Variants in PTPRM observed in about 807,000 individuals in gnomAD.
PTPRM encodes the protein receptor-type tyrosine-protein phosphatase mu.
PTPRM carries 47 observed loss-of-function variants against 186.7 expected under a neutral mutation model. That is an observed-to-expected ratio of 0.25 (90% CI 0.20 to 0.32). The LOEUF (loss-of-function observed/expected upper bound fraction) is 0.32, where lower values mean the gene tolerates loss of function less well. Ranked by LOEUF, PTPRM falls within the 10% of genes least tolerant of loss-of-function variation. PTPRM has a pLI of 1.00. For synonymous variants in PTPRM, 668 were observed against 674.9 expected (o/e 0.99, Z 0.16); for missense variants, 1,494 against 1,865.0 (o/e 0.80, Z 3.66).
chr18:8,043,359 G>C (rs566288435), intron 7 of PTPRM, among the ~76,000 whole-genome samples: 5 of 152,120 alleles, frequency 3.3e-5, no homozygotes, highest in African/African-American at 1.2e-4. Context: ...CGCAGTTTTA[G>C]TCTGCTGCCC....
rs2093478487 is a variant in PTPRM at position 8,176,191 on chromosome 18, G to A, written c.2300+32412G>A. 1.4e-5 allele frequency among the ~76,000 whole-genome samples: 2 copies of A among 145,542 alleles called. 1 individual carries two copies. The highest frequency in any genetic ancestry group is 4.4e-4 in the South Asian group (2 of 4,580). On this transcript the variant is annotated intron_variant, in intron 14 of 32. Coordinates refer to ENST00000580170, the MANE Select transcript of PTPRM (RefSeq NM_001105244.2). ...TGGAGCGATTAATGAATTGCTTGTT[G>A]TATGGCAGTATAATAGAGAGAGAGA...
At chr18:7,832,831 A>G (rs749296847) in intron 2 of PTPRM, among the ~76,000 whole-genome samples, 1 of 152,136 alleles carries the variant, frequency 6.6e-6, no homozygotes, top group Non-Finnish European at 1.5e-5. Flanking sequence ...ACATTCTTCT[A>G]CATATGAATA....
At chr18:8,217,579 A>G (rs969041950) in intron 14 of PTPRM, among the ~76,000 whole-genome samples, 1 of 152,208 alleles carries the variant, frequency 6.6e-6, no homozygotes, top group African/African-American at 2.4e-5. Context: ...AAGCTGAGAT[A>G]CCAGGGAAAA....
intron 19 of PTPRM, among the ~76,000 whole-genome samples, chr18:8,290,875 A>G (rs926725290): frequency 2.0e-5 from 3 of 152,228 alleles, no homozygotes; most frequent in African/African-American, 7.2e-5. Context: ...TTAAATCCCA[A>G]AAATACATCT....
intron 2 of PTPRM, among the ~76,000 whole-genome samples, chr18:7,817,817 G>A (rs999540425): frequency 9.9e-5 from 15 of 152,266 alleles, no homozygotes; most frequent in South Asian, 4.1e-4. Context: ...GCAGCCTGTC[G>A]TGTTCCTGTG....
Position 7,862,127 on chromosome 18 carries a change from C to T in PTPRM, c.197-25979C>T, listed in dbSNP as rs114858152. ...CTTTTCAAAATGATATGCATAAATGCATAACATAAAATTTATAAGATTATA... is the reference window on the plus strand; with the variant it reads ...CTTTTCAAAATGATATGCATAAATGTATAACATAAAATTTATAAGATTATA... On this transcript the variant is annotated intron_variant, in intron 2 of 32. Coordinates refer to ENST00000580170, the MANE Select transcript of PTPRM (RefSeq NM_001105244.2). Among the ~76,000 whole-genome samples the T allele has an allele frequency of 3.0e-3, 450 of 152,146 alleles. 4 individuals carry two copies. The highest frequency in any genetic ancestry group is 0.01 in the African/African-American group (422 of 41,504).
chr18:7,930,191 C>T (rs1368483955), intron 5 of PTPRM, among the ~76,000 whole-genome samples: 3 of 152,068 alleles, frequency 2.0e-5, no homozygotes, highest in Non-Finnish European at 4.4e-5. Context: ...ACCTCAGCCT[C>T]CTGGGTAGCT....
At chr18:7,937,429 C>CA (rs2051888444) in intron 5 of PTPRM, among the ~76,000 whole-genome samples, 1 of 152,184 alleles carries the variant, frequency 6.6e-6, no homozygotes, top group East Asian at 1.9e-4. Context: ...CCCACCACAG[C>CA]CAGTGTGCCT....
chr18:7,845,045 T>C (rs2046524977), intron 2 of PTPRM, among the ~76,000 whole-genome samples: 1 of 152,178 alleles, frequency 6.6e-6, no homozygotes, highest in African/African-American at 2.4e-5. Flanking sequence ...ACAGGATCTA[T>C]AAGGTATGTC....
At chr18:7,638,923 T>G (rs975946894) in intron 1 of PTPRM, among the ~76,000 whole-genome samples, 5 of 152,216 alleles carry the variant, frequency 3.3e-5, no homozygotes, top group Non-Finnish European at 7.3e-5. Context: ...AGGCAACAAT[T>G]ATTCTAAACT....
intron 11 of PTPRM, among the ~76,000 whole-genome samples, chr18:8,101,809 C>T (rs915865114): frequency 1.4e-4 from 21 of 152,146 alleles, no homozygotes; most frequent in African/African-American, 5.1e-4. Flanking sequence ...TTCTCTTGTC[C>T]CCCACTTTGC....
intron 14 of PTPRM, among the ~76,000 whole-genome samples, chr18:8,195,497 A>G (rs1478185577): frequency 6.6e-6 from 1 of 152,238 alleles, no homozygotes; most frequent in Non-Finnish European, 1.5e-5. Flanking sequence ...CCTCGTATGC[A>G]TCAGTGGATG....
At chr18:8,340,687 C>G (rs2095469219) in intron 22 of PTPRM, among the ~76,000 whole-genome samples, 3 of 152,106 alleles carry the variant, frequency 2.0e-5, no homozygotes, top group Non-Finnish European at 4.4e-5. Context: ...TCAGGAGATT[C>G]AGAACAAACA....
Position 7,668,534 on chromosome 18 carries a change from C to T in PTPRM, c.73+100643C>T, listed in dbSNP as rs1370978358. On this transcript the variant is annotated intron_variant, in intron 1 of 32. Transcript: ENST00000580170. This position sits in a 1 kb window ranked among gnomAD's most constrained non-coding sequence, Gnocchi z 4.7. Reference sequence around the variant, plus strand: ...GAGACAGACACAAGGCAGAGTGAATCATTCCTCTGCCATTCCAGAGGCTGC... The same window carrying T: ...GAGACAGACACAAGGCAGAGTGAATTATTCCTCTGCCATTCCAGAGGCTGC... 1.3e-5 allele frequency among the ~76,000 whole-genome samples: 2 copies of T among 152,184 alleles called. No homozygotes were observed. The highest frequency in any genetic ancestry group is 2.4e-5 in the African/African-American group (1 of 41,468).
At chr18:8,310,983 T>G (rs1307069220) in intron 20 of PTPRM, among the ~76,000 whole-genome samples, 1 of 152,142 alleles carries the variant, frequency 6.6e-6, no homozygotes, top group Admixed American at 6.5e-5. Flanking sequence ...AATAGCTCAG[T>G]ATTCTGACAA....
chr18:7,977,419 A>T (rs1314341507), intron 7 of PTPRM, among the ~76,000 whole-genome samples: 1 of 151,932 alleles, frequency 6.6e-6, no homozygotes, highest in Non-Finnish European at 1.5e-5. Flanking sequence ...GTTGGCATGC[A>T]CTTCACCGTA....
At chr18:7,847,172 C>CTTT (rs5822985) in intron 2 of PTPRM, among the ~76,000 whole-genome samples, 3 of 136,710 alleles carry the variant, frequency 2.2e-5, no homozygotes, top group Non-Finnish European at 3.1e-5. Context: ...ACAAATCTGG[C>CTTT]TTTTTTTTTT....
At chr18:7,818,552 A>C (rs1343136525) in intron 2 of PTPRM, among the ~76,000 whole-genome samples, 1 of 152,184 alleles carries the variant, frequency 6.6e-6, no homozygotes, top group Non-Finnish European at 1.5e-5. Context: ...GTGAATTCTG[A>C]GAGAGGATAA....
chr18:8,198,847 T>A (rs920555008), intron 14 of PTPRM, among the ~76,000 whole-genome samples: 20 of 152,146 alleles, frequency 1.3e-4, no homozygotes, highest in African/African-American at 3.9e-4. Context: ...ATGAAATCAC[T>A]CAGTCATTAA....
Sources: allele counts gnomAD v4.1 joint callset (sites outside exome capture counted in the v4.1 genomes callset), GRCh38; gene constraint gnomAD v4.1.1; non-coding constraint Gnocchi (gnomAD v3.1); transcripts MANE v1.5; gene names NCBI Gene and HGNC (gene_info 2026-07-23, HGNC 2026-07-21).